HERC3: variants seen among roughly 807,000 people sequenced by gnomAD.
HERC3 encodes the protein probable E3 ubiquitin-protein ligase HERC3.
Under a neutral mutation model 129.9 loss-of-function variants are expected in HERC3, and 58 were observed. That is an observed-to-expected ratio of 0.45 (90% CI 0.36 to 0.56). The LOEUF is 0.56. HERC3 is among the 20% of genes least tolerant of loss of function. The pLI, the probability that HERC3 is intolerant of heterozygous loss-of-function variation, is 0.00. For missense variants in HERC3, 835 were observed against 1,244.2 expected, an observed-to-expected ratio of 0.67 and a Z score of 4.95; for synonymous variants, 430 against 451.0, an observed-to-expected ratio of 0.95 and a Z score of 0.59.
intron 16 of HERC3, 54 bp downstream of exon 16, chr4:88,670,306 C>A: frequency 1.7e-6 from 2 of 1,173,616 alleles, no homozygotes; most frequent in Non-Finnish European, 2.5e-6. Context: ...AAGAAAAGCA[C>A]ATGTGAGCTG....
chr4:88,548,699 T>C, the HERC3 span, among the ~76,000 whole-genome samples: 129 of 151,792 alleles, frequency 8.5e-4, 1 homozygote, highest in Non-Finnish European at 9.0e-4. Flanking sequence ...CTCACTCTGT[T>C]GCCCAGGCTG....
At chr4:88,574,899 C>G in the HERC3 span, among the ~76,000 whole-genome samples, 1 of 152,028 alleles carries the variant, frequency 6.6e-6, no homozygotes, top group Admixed American at 6.6e-5. Flanking sequence ...CTCTTTGAGA[C>G]CTTGCTTTCA....
chr4:88,602,954 G>A (rs116268223), intron 2 of HERC3, among the ~76,000 whole-genome samples: 2,112 of 152,278 alleles, frequency 0.014, 50 homozygotes, highest in African/African-American at 0.047. Flanking sequence ...GAGGGGCTCT[G>A]AGGGCTTATT....
chr4:88,619,184 C>G (rs780488904), intron 3 of HERC3, among the ~76,000 whole-genome samples: 1 of 152,242 alleles, frequency 6.6e-6, no homozygotes, highest in African/African-American at 2.4e-5. Context: ...TTCACGTTTT[C>G]TGTTGTTCCT....
At chr4:88,696,758 T>C (rs1045048472) in intron 23 of HERC3, 1 of 156,606 alleles carries the variant, frequency 6.4e-6, no homozygotes, top group Non-Finnish European at 1.4e-5. Flanking sequence ...TCTTGGGTTC[T>C]GCCTTCTCTG....
chr4:88,562,736 C>T, the HERC3 span, among the ~76,000 whole-genome samples: 43 of 152,306 alleles, frequency 2.8e-4, no homozygotes, highest in African/African-American at 1.0e-3. Context: ...CCAGTTTTCT[C>T]AGCACCATTT....
At chr4:88,681,376 G>C in intron 21 of HERC3, 51 bp downstream of exon 21, 2 of 1,498,042 alleles carry the variant, frequency 1.3e-6, no homozygotes, top group East Asian at 2.3e-5. Context: ...GCTGCCTCTG[G>C]CATGAGGATT....
chr4:88,574,849 A>G, the HERC3 span, among the ~76,000 whole-genome samples: 1 of 152,286 alleles, frequency 6.6e-6, no homozygotes, highest in Non-Finnish European at 1.5e-5. Context: ...CCTTTTGGCT[A>G]CTGTGAATAA....
Position 88,676,202 on chromosome 4 carries a change from A to G in HERC3, c.1912-16A>G. Reference sequence around the variant, plus strand: ...TTACAATTTAAGTAAGAGACTTTTTATTTTTCTTTACACAGAAGGCTAGAC... The same window carrying G: ...TTACAATTTAAGTAAGAGACTTTTTGTTTTTCTTTACACAGAAGGCTAGAC... On this transcript the variant is annotated splice_polypyrimidine_tract_variant and intron_variant, in intron 16 of 25. Coordinates refer to ENST00000402738, the MANE Select transcript of HERC3 (RefSeq NM_014606.3). 1 of 1,534,894 alleles carries G rather than the reference A, an allele frequency of 6.5e-7. No homozygotes were observed.
chr4:88,595,643 GT>G (rs1395732902), intron 2 of HERC3, 29 bp downstream of exon 2: 2 of 152,080 alleles, frequency 1.3e-5, no homozygotes, highest in African/African-American at 4.8e-5. Flanking sequence ...CTGGACCTCA[GT>G]TTTTCATCTT....
At chr4:88,536,478 C>T in the HERC3 span, among the ~76,000 whole-genome samples, 10 of 152,292 alleles carry the variant, frequency 6.6e-5, no homozygotes, top group East Asian at 1.2e-3. Context: ...CTCACTCACT[C>T]TTATTATAAC....
chr4:88,599,254 T>A (rs541845502), intron 2 of HERC3, among the ~76,000 whole-genome samples: 7 of 152,268 alleles, frequency 4.6e-5, no homozygotes, highest in South Asian at 2.1e-4. Flanking sequence ...GAAAGCTAGA[T>A]GATTTTAGTT....
At chr4:88,700,610 T>C (rs1038823605) in intron 23 of HERC3, among the ~76,000 whole-genome samples, 3 of 152,130 alleles carry the variant, frequency 2.0e-5, no homozygotes, top group African/African-American at 7.2e-5. Flanking sequence ...CGTTTTTAGG[T>C]ATTTGCTGTT....
the HERC3 span, among the ~76,000 whole-genome samples, chr4:88,556,961 AC>A: frequency 6.6e-6 from 1 of 151,860 alleles, no homozygotes; most frequent in Non-Finnish European, 1.5e-5. Flanking sequence ...ATTTATCACC[AC>A]ATGGTCTCAT....
chr4:88,649,593 T>C (rs145690461), intron 3 of HERC3, among the ~76,000 whole-genome samples: 1 of 152,228 alleles, frequency 6.6e-6, no homozygotes, highest in Non-Finnish European at 1.5e-5. Flanking sequence ...TCAGGGAACA[T>C]CTGGGATGTG....
At chr4:88,622,501 A>G (rs778772570) in intron 3 of HERC3, among the ~76,000 whole-genome samples, 1 of 152,238 alleles carries the variant, frequency 6.6e-6, no homozygotes, top group African/African-American at 2.4e-5. Context: ...GTATGTACCT[A>G]GAAGTGGAAT....
the HERC3 span, among the ~76,000 whole-genome samples, chr4:88,557,034 C>T: frequency 6.6e-6 from 1 of 152,082 alleles, no homozygotes; most frequent in Admixed American, 6.5e-5. Flanking sequence ...ATACATCTCC[C>T]CCTTCCTCCA....
intron 20 of HERC3, 125 bp downstream of exon 20, chr4:88,680,361 T>A: frequency 1.5e-6 from 1 of 648,460 alleles, no homozygotes; most frequent in Non-Finnish European, 2.4e-6. Flanking sequence ...TCAAAATGTT[T>A]ATAAGTAATT....
At chr4:88,552,809 A>G in the HERC3 span, among the ~76,000 whole-genome samples, 9 of 152,156 alleles carry the variant, frequency 5.9e-5, no homozygotes, top group Non-Finnish European at 8.8e-5. Context: ...TGCCCTGTCC[A>G]TAACCTCCAC....
Sources: allele counts gnomAD v4.1 joint callset (sites outside exome capture counted in the v4.1 genomes callset), GRCh38; gene constraint gnomAD v4.1.1; transcripts MANE v1.5; gene names NCBI Gene and HGNC (gene_info 2026-07-23, HGNC 2026-07-21).